PRKCE: variants seen among roughly 807,000 people sequenced by gnomAD.
The protein encoded by PRKCE is protein kinase C epsilon type.
A neutral mutation model predicts 85.4 loss-of-function variants in PRKCE; 16 were observed. The observed-to-expected ratio is 0.19, with a 90% CI of 0.13 to 0.28. The LOEUF (loss-of-function observed/expected upper bound fraction) is 0.28. PRKCE is among the 10% of genes least tolerant of loss of function. PRKCE has a pLI of 1.00. For missense variants in PRKCE, 573 were observed against 975.2 expected (o/e 0.59, Z 5.49); for synonymous variants, 388 against 371.5 (o/e 1.04, Z -0.51).
upstream of PRKCE, chr2:45,651,364 G>A (rs61762789): frequency 2.0e-3 from 296 of 151,102 alleles, 1 homozygote; most frequent in African/African-American, 6.8e-3. Flanking sequence ...CGGACTCCGA[G>A]CCCGCGCGGA....
chr2:46,116,470 A>G (rs1011156944), intron 11 of PRKCE, among the ~76,000 whole-genome samples: 1 of 152,196 alleles, frequency 6.6e-6, no homozygotes, highest in Non-Finnish European at 1.5e-5. Flanking sequence ...GTGAAAGGAG[A>G]TTGGAGAAAC....
chr2:45,717,627 T>C (rs1680249804), intron 1 of PRKCE, among the ~76,000 whole-genome samples: 1 of 152,180 alleles, frequency 6.6e-6, no homozygotes, highest in Non-Finnish European at 1.5e-5. Flanking sequence ...CTAATAGTTT[T>C]TGTATTTAAT....
chr2:45,930,726 A>G (rs948660065), intron 2 of PRKCE, among the ~76,000 whole-genome samples: 2 of 152,224 alleles, frequency 1.3e-5, no homozygotes, highest in African/African-American at 4.8e-5. Context: ...TTGCAGCCAT[A>G]CATTTGAGTC....
chr2:45,981,238 G>A (rs1239335953), intron 5 of PRKCE, among the ~76,000 whole-genome samples: 2 of 152,184 alleles, frequency 1.3e-5, no homozygotes, highest in East Asian at 3.9e-4. Context: ...ATGGATGTAG[G>A]TATTATCAGA....
intron 2 of PRKCE, among the ~76,000 whole-genome samples, chr2:45,883,512 A>G (rs1695032841): frequency 4.6e-5 from 7 of 152,078 alleles, no homozygotes. Flanking sequence ...GGGCAGAGCT[A>G]CCCTTCTCCG....
chr2:45,846,286 C>T (rs1302671335), intron 2 of PRKCE, among the ~76,000 whole-genome samples: 2 of 152,120 alleles, frequency 1.3e-5, no homozygotes, highest in Non-Finnish European at 2.9e-5. Context: ...CATATTATTT[C>T]TTATTCTTTC....
intron 1 of PRKCE, among the ~76,000 whole-genome samples, chr2:45,808,624 C>G (rs183487209): frequency 6.6e-6 from 1 of 152,184 alleles, no homozygotes; most frequent in East Asian, 1.9e-4. Context: ...AGCCCCCTAC[C>G]GTCTGGCACT....
At chr2:45,941,065 T>TAAAAAAAAAAAAAAAAAAAAAA (rs397781944) in intron 2 of PRKCE, among the ~76,000 whole-genome samples, 5 of 67,160 alleles carry the variant, frequency 7.4e-5, no homozygotes, top group Admixed American at 2.4e-4. Flanking sequence ...GACTTCATCC[T>TAAAAAAAAAAAAAAAAAAAAAA]AAAAAAAAAA....
Position 45,653,657 on chromosome 2 carries a change from T to C in PRKCE, c.348+1209T>C, listed in dbSNP as rs1054391800. Reference sequence around the variant, plus strand: ...CACTTTGGCATATCACCTTACATATTTTTTTCAAGGACACGGAGTTTTAGG... The same window carrying C: ...CACTTTGGCATATCACCTTACATATCTTTTTCAAGGACACGGAGTTTTAGG... On this transcript the variant is annotated intron_variant, in intron 1 of 14. Transcript: ENST00000306156. 2.6e-5 allele frequency among the ~76,000 whole-genome samples: 4 copies of C among 152,132 alleles called. No individual in the cohort carries two copies. The South Asian group carries it at 8.3e-4, about 32-fold the overall frequency.
chr2:45,773,699 G>A (rs959382092), intron 1 of PRKCE, among the ~76,000 whole-genome samples: 1 of 152,188 alleles, frequency 6.6e-6, no homozygotes, highest in East Asian at 1.9e-4. Context: ...GGGGAAAGAC[G>A]ATGCTTCAGA....
At chr2:45,931,566 A>G (rs1174137656) in intron 2 of PRKCE, among the ~76,000 whole-genome samples, 1 of 152,230 alleles carries the variant, frequency 6.6e-6, no homozygotes, top group African/African-American at 2.4e-5. Flanking sequence ...ATTGGGGCTT[A>G]ACTTCCCACC....
intron 1 of PRKCE, among the ~76,000 whole-genome samples, chr2:45,787,925 G>T (rs1442541843): frequency 6.6e-6 from 1 of 152,160 alleles, no homozygotes; most frequent in Non-Finnish European, 1.5e-5. Flanking sequence ...AGCCACAGAG[G>T]CTTCTCACTG....
intron 2 of PRKCE, among the ~76,000 whole-genome samples, chr2:45,900,071 G>A (rs558678585): frequency 1.3e-5 from 2 of 152,248 alleles, no homozygotes; most frequent in African/African-American, 4.8e-5. Flanking sequence ...ATTTAAGTGG[G>A]AACGGTTGCT....
At chr2:45,822,466 C>G (rs1265008725) in intron 1 of PRKCE, among the ~76,000 whole-genome samples, 1 of 152,232 alleles carries the variant, frequency 6.6e-6, no homozygotes, top group Non-Finnish European at 1.5e-5. Context: ...CCTGCAGGGT[C>G]GTGGCTGTCT....
intron 1 of PRKCE, among the ~76,000 whole-genome samples, chr2:45,809,249 C>G (rs1688478596): frequency 6.6e-6 from 1 of 152,168 alleles, no homozygotes; most frequent in Non-Finnish European, 1.5e-5. Context: ...GCATTAGAAC[C>G]TGGACAACTG....
At chr2:45,936,640 T>G (rs1339874219) in intron 2 of PRKCE, among the ~76,000 whole-genome samples, 1 of 152,212 alleles carries the variant, frequency 6.6e-6, no homozygotes, top group African/African-American at 2.4e-5. Context: ...GGCCGGAGGA[T>G]GCCCTAAGGA....
At position 46,183,458 on chromosome 2, in the gene PRKCE, G is replaced by T. The variant is rs140728848; in HGVS notation, c.2068-1277G>T. ...CCACAAGATTTATTCCATCATCCAA[G>T]TCACTAATCCTGGGTAATACCAGTT... On this transcript the variant is annotated intron_variant, in intron 14 of 14. Transcript: ENST00000306156. Among the ~76,000 whole-genome samples, 912 of 152,220 alleles carry T rather than the reference G, an allele frequency of 6.0e-3. 11 individuals carry two copies. Among genetic ancestry groups the T allele is most frequent in the African/African-American group, 0.02 (828 of 41,510 alleles).
At chr2:46,027,963 A>G (rs1025680520) in intron 10 of PRKCE, among the ~76,000 whole-genome samples, 4 of 147,970 alleles carry the variant, frequency 2.7e-5, no homozygotes, top group African/African-American at 5.0e-5. Context: ...TTTTTTTGAG[A>G]TGGAGTCGGG....
intron 10 of PRKCE, among the ~76,000 whole-genome samples, chr2:46,077,184 C>G (rs1668634155): frequency 6.6e-6 from 1 of 151,876 alleles, no homozygotes; most frequent in African/African-American, 2.4e-5. Flanking sequence ...CACACACACA[C>G]ACACGCACGC....
Sources: gnomAD v4.1 joint callset for allele counts (sites outside exome capture counted in the v4.1 genomes callset) on GRCh38, gnomAD v4.1.1 for gene constraint, MANE v1.5 for transcripts, NCBI Gene and HGNC (gene_info 2026-07-23, HGNC 2026-07-21) for gene names.